Variants in PLCXD3 observed in about 807,000 individuals in gnomAD.
PLCXD3 encodes the protein phosphatidylinositol specific phospholipase C X domain containing 3, also known as PI-PLC X domain-containing protein 3.
Under a neutral mutation model 25.5 loss-of-function variants are expected in PLCXD3, and 19 were observed. That is an observed-to-expected ratio of 0.75 (90% CI 0.52 to 1.09). PLCXD3 has a LOEUF of 1.09. Ranked by LOEUF, PLCXD3 falls within the 50% of genes least tolerant of loss-of-function variation. The pLI, the probability that PLCXD3 is intolerant of heterozygous loss-of-function variation, is 0.00. For missense variants in PLCXD3, 411 were observed against 388.1 expected, an observed-to-expected ratio of 1.06 and a Z score of -0.50; for synonymous variants, 174 against 137.6, an observed-to-expected ratio of 1.26 and a Z score of -1.85.
chr5:41,393,247 A>C (rs1395946251), intron 1 of PLCXD3, among the ~76,000 whole-genome samples: 3 of 152,240 alleles, frequency 2.0e-5, no homozygotes, highest in Non-Finnish European at 4.4e-5. Context: ...TAACCCAAAG[A>C]GGACTACCTC....
At chr5:41,473,354 T>A (rs1428533451) in intron 1 of PLCXD3, among the ~76,000 whole-genome samples, 1 of 152,146 alleles carries the variant, frequency 6.6e-6, no homozygotes, top group Non-Finnish European at 1.5e-5. Flanking sequence ...CACATGTATA[T>A]CCTTTCTTGG....
At chr5:41,466,693 C>T (rs1011808686) in intron 1 of PLCXD3, among the ~76,000 whole-genome samples, 3 of 152,030 alleles carry the variant, frequency 2.0e-5, no homozygotes, top group African/African-American at 7.2e-5. Flanking sequence ...CCCATTCCCT[C>T]ACTCCTCCCC....
intron 1 of PLCXD3, among the ~76,000 whole-genome samples, chr5:41,454,376 G>A (rs984838584): frequency 7.2e-5 from 11 of 151,960 alleles, no homozygotes; most frequent in African/African-American, 1.9e-4. Context: ...GGCAGATTTG[G>A]TATTTGGTGA....
At chr5:41,493,375 G>A (rs556171771) in intron 1 of PLCXD3, among the ~76,000 whole-genome samples, 1 of 152,306 alleles carries the variant, frequency 6.6e-6, no homozygotes, top group East Asian at 1.9e-4. Context: ...CTGCTCAGGG[G>A]TCAGGGGTCA....
intron 2 of PLCXD3, among the ~76,000 whole-genome samples, chr5:41,336,816 A>C (rs2150476406): frequency 6.6e-6 from 1 of 152,276 alleles, no homozygotes; most frequent in South Asian, 2.1e-4. Flanking sequence ...ACTGCATCAC[A>C]GTCCAATTTC....
At chr5:41,455,855 C>T (rs1223357426) in intron 1 of PLCXD3, among the ~76,000 whole-genome samples, 1 of 151,822 alleles carries the variant, frequency 6.6e-6, no homozygotes, top group African/African-American at 2.4e-5. Flanking sequence ...GTTCTCCTAC[C>T]ACATTTTCAA....
At chr5:41,374,381 C>A (rs142814822) in intron 2 of PLCXD3, among the ~76,000 whole-genome samples, 23 of 152,238 alleles carry the variant, frequency 1.5e-4, no homozygotes, top group African/African-American at 5.3e-4. Flanking sequence ...GATTTACAAG[C>A]CAGAATCCCC....
intron 1 of PLCXD3, among the ~76,000 whole-genome samples, chr5:41,492,762 G>A (rs1489330887): frequency 6.6e-6 from 1 of 152,222 alleles, no homozygotes; most frequent in Non-Finnish European, 1.5e-5. Flanking sequence ...TAGTTCTCGA[G>A]CCTTGGCTTT....
At chr5:41,447,040 C>T (rs982643108) in intron 1 of PLCXD3, among the ~76,000 whole-genome samples, 2 of 152,180 alleles carry the variant, frequency 1.3e-5, no homozygotes, top group African/African-American at 2.4e-5. Flanking sequence ...ATGCCAAAAG[C>T]TCTTCTCTAA....
At chr5:41,315,071 C>T (rs1658111792) in intron 2 of PLCXD3, among the ~76,000 whole-genome samples, 1 of 152,040 alleles carries the variant, frequency 6.6e-6, no homozygotes, top group Non-Finnish European at 1.5e-5. Context: ...TTTTCATTTG[C>T]TGACAGAATC....
intron 2 of PLCXD3, among the ~76,000 whole-genome samples, chr5:41,379,425 G>A (rs1006298427): frequency 2.6e-5 from 4 of 152,096 alleles, no homozygotes; most frequent in African/African-American, 7.2e-5. Context: ...GCTGAATTTA[G>A]GCTTAGGAAG....
At chr5:41,374,167 G>A (rs958032371) in intron 2 of PLCXD3, among the ~76,000 whole-genome samples, 2 of 152,092 alleles carry the variant, frequency 1.3e-5, no homozygotes, top group Non-Finnish European at 2.9e-5. Flanking sequence ...TTAAGGTGCA[G>A]CTTGTTTGTG....
At chr5:41,391,170 G>A (rs1459664900) in intron 1 of PLCXD3, among the ~76,000 whole-genome samples, 1 of 152,152 alleles carries the variant, frequency 6.6e-6, no homozygotes, top group East Asian at 1.9e-4. Flanking sequence ...AAGTCCTATA[G>A]CTGAATTCAG....
intron 1 of PLCXD3, among the ~76,000 whole-genome samples, chr5:41,430,983 C>T (rs1277582826): frequency 6.6e-6 from 1 of 152,054 alleles, no homozygotes; most frequent in Non-Finnish European, 1.5e-5. Context: ...ATTGGTCATC[C>T]TCTAATGGGG....
chr5:41,346,840 G>A (rs1298173283), intron 2 of PLCXD3, among the ~76,000 whole-genome samples: 1 of 152,036 alleles, frequency 6.6e-6, no homozygotes, highest in African/African-American at 2.4e-5. Flanking sequence ...TTTTTATCAC[G>A]GAATAATGTT....
intron 1 of PLCXD3, among the ~76,000 whole-genome samples, chr5:41,426,456 T>A (rs1224158012): frequency 6.6e-6 from 1 of 152,112 alleles, no homozygotes; most frequent in Admixed American, 6.5e-5. Context: ...GCTTTATTTC[T>A]CTTTTTTACT....
intron 1 of PLCXD3, among the ~76,000 whole-genome samples, chr5:41,472,195 C>T (rs1282794254): frequency 6.6e-6 from 1 of 151,740 alleles, no homozygotes; most frequent in Non-Finnish European, 1.5e-5. Flanking sequence ...AGGCCTATGA[C>T]AAGATTCTTT....
At chr5:41,357,055 TGACCTA>T (rs1314084849) in intron 2 of PLCXD3, among the ~76,000 whole-genome samples, 1 of 152,254 alleles carries the variant, frequency 6.6e-6, no homozygotes, top group Non-Finnish European at 1.5e-5. Flanking sequence ...CAGACACGCT[TGACCTA>T]ACTCTGAGAT....
chr5:41,389,625 A>G (rs1002011451), intron 1 of PLCXD3, among the ~76,000 whole-genome samples: 1 of 152,134 alleles, frequency 6.6e-6, no homozygotes, highest in Non-Finnish European at 1.5e-5. Flanking sequence ...AGTCAACACC[A>G]TATCTGCTGT....
Sources: gnomAD v4.1 joint callset for allele counts (sites outside exome capture counted in the v4.1 genomes callset) on GRCh38, gnomAD v4.1.1 for gene constraint, MANE v1.5 for transcripts, NCBI Gene and HGNC (gene_info 2026-07-23, HGNC 2026-07-21) for gene names.